GRB14: variants seen among roughly 807,000 people sequenced by gnomAD.
The protein encoded by GRB14 is growth factor receptor bound protein 14.
In GRB14, 38 loss-of-function variants were observed where a neutral mutation model predicts 69.1. The observed-to-expected ratio is 0.55, with a 90% CI of 0.42 to 0.72. The LOEUF (loss-of-function observed/expected upper bound fraction) is 0.72. Among genes scored for constraint, GRB14 ranks in the 30% least tolerant of loss-of-function variants. GRB14 has a pLI of 0.00. For synonymous variants in GRB14, 247 were observed against 241.3 expected, an observed-to-expected ratio of 1.02 and a Z score of -0.22; for missense variants, 666 against 666.1, an observed-to-expected ratio of 1.00 and a Z score of 0.00.
chr2:164,499,484 T>C (rs572008772), intron 9 of GRB14, among the ~76,000 whole-genome samples: 9 of 152,248 alleles, frequency 5.9e-5, no homozygotes, highest in African/African-American at 2.2e-4. Context: ...ACTCAAAAGG[T>C]CATTTTCAGA....
intron 8 of GRB14, among the ~76,000 whole-genome samples, chr2:164,503,565 A>G (rs988605250): frequency 6.6e-6 from 1 of 151,046 alleles, no homozygotes; most frequent in Non-Finnish European, 1.5e-5. Context: ...CTCTGTGTTG[A>G]CTTCTTATCC....
chr2:164,590,021 T>C (rs959866422), intron 2 of GRB14, among the ~76,000 whole-genome samples: 1 of 152,096 alleles, frequency 6.6e-6, no homozygotes, highest in Non-Finnish European at 1.5e-5. Context: ...AGCCTGTTCA[T>C]GAGGGCTCCA....
rs115340889 is a variant in GRB14 at position 164,591,493 on chromosome 2, A to G, written c.324+28194T>C. On this transcript the variant is annotated intron_variant, in intron 2 of 13. Coordinates refer to ENST00000263915, the MANE Select transcript of GRB14 (RefSeq NM_004490.3). ...CTGTGTTCTTCAATAAATGAGGTCAAGGGAAAAGGCTATTCTGTTCAGGTC... is the reference window on the plus strand; with the variant it reads ...CTGTGTTCTTCAATAAATGAGGTCAGGGGAAAAGGCTATTCTGTTCAGGTC... Among the ~76,000 whole-genome samples the G allele has an allele frequency of 8.1e-3, 1,227 of 152,282 alleles. 4 individuals are homozygous for G. Among genetic ancestry groups the G allele is most frequent in the Non-Finnish European group, 0.012 (845 of 68,014 alleles).
chr2:164,580,399 T>C (rs886211084), intron 2 of GRB14, among the ~76,000 whole-genome samples: 16 of 149,966 alleles, frequency 1.1e-4, no homozygotes, highest in Middle Eastern at 3.4e-3. Flanking sequence ...AGCCTTATGA[T>C]ACATTTCTTT....
chr2:164,619,348 C>G (rs1457055798), intron 2 of GRB14, among the ~76,000 whole-genome samples: 3 of 152,174 alleles, frequency 2.0e-5, no homozygotes, highest in East Asian at 3.9e-4. Flanking sequence ...CTACTGCCCA[C>G]CCCGTCCCAG....
intron 6 of GRB14, among the ~76,000 whole-genome samples, chr2:164,511,288 G>A (rs2105269954): frequency 6.6e-6 from 1 of 152,262 alleles, no homozygotes; most frequent in South Asian, 2.1e-4. Flanking sequence ...GTGGCTACGG[G>A]AGTCCTTGCA....
intron 6 of GRB14, among the ~76,000 whole-genome samples, chr2:164,514,776 C>T (rs562117417): frequency 3.9e-5 from 6 of 152,074 alleles, no homozygotes; most frequent in Non-Finnish European, 8.8e-5. Context: ...ACCTGAAATC[C>T]CTGCTTGCCT....
At chr2:164,549,863 AAAAATAAAAT>A (rs10557491) in intron 2 of GRB14, among the ~76,000 whole-genome samples, 23,645 of 109,768 alleles carry the variant, frequency 0.22, 2,856 homozygotes, top group South Asian at 0.26. Context: ...GACTCCATCT[AAAAATAAAAT>A]AAAATAAAAT....
At chr2:164,529,758 G>A (rs1330698027) in intron 3 of GRB14, among the ~76,000 whole-genome samples, 1 of 152,198 alleles carries the variant, frequency 6.6e-6, no homozygotes, top group Non-Finnish European at 1.5e-5. Context: ...CTAATCCAAC[G>A]TGGACACCGA....
chr2:164,617,411 C>T (rs915700629), intron 2 of GRB14, among the ~76,000 whole-genome samples: 2 of 151,936 alleles, frequency 1.3e-5, no homozygotes, highest in African/African-American at 4.8e-5. Flanking sequence ...TTCCCCATTT[C>T]CAGTTTGCTA....
At chr2:164,619,936 TTATATAAAGTA>T (rs1690406947) in intron 1 of GRB14, 117 bp from the exon 2 acceptor site, 2 of 780,734 alleles carry the variant, frequency 2.6e-6, no homozygotes, top group Non-Finnish European at 4.3e-6. Context: ...AAGGCTCATA[TTATATAAAGTA>T]TATAGAAAAG....
At chr2:164,564,748 G>A (rs894294571) in intron 2 of GRB14, among the ~76,000 whole-genome samples, 1 of 152,186 alleles carries the variant, frequency 6.6e-6, no homozygotes. Context: ...GGGCACGGTG[G>A]CTCATGTCTG....
chr2:164,614,314 T>G (rs2105362013), intron 2 of GRB14, among the ~76,000 whole-genome samples: 1 of 152,316 alleles, frequency 6.6e-6, no homozygotes, highest in South Asian at 2.1e-4. Flanking sequence ...TTTTGTAAAA[T>G]AGCTCAGAGG....
intron 2 of GRB14, among the ~76,000 whole-genome samples, chr2:164,594,962 T>C (rs75423766): frequency 0.031 from 4,752 of 152,282 alleles, 250 homozygotes; most frequent in African/African-American, 0.11. Context: ...GGTTTTGCCC[T>C]TTAACAGACA....
chr2:164,534,331 T>C (rs1225479484), intron 3 of GRB14, among the ~76,000 whole-genome samples: 1 of 152,164 alleles, frequency 6.6e-6, no homozygotes, highest in Non-Finnish European at 1.5e-5. Flanking sequence ...TCTCATTATG[T>C]TAAAGGATTA....
At chr2:164,568,133 T>C (rs991851406) in intron 2 of GRB14, among the ~76,000 whole-genome samples, 2 of 152,194 alleles carry the variant, frequency 1.3e-5, no homozygotes, top group South Asian at 2.1e-4. Context: ...CCTAGCGCAG[T>C]ATTATTTTTC....
chr2:164,517,049 A>G (rs2105277159), intron 6 of GRB14, among the ~76,000 whole-genome samples: 1 of 152,184 alleles, frequency 6.6e-6, no homozygotes, highest in South Asian at 2.1e-4. Flanking sequence ...TGCTGCTGAT[A>G]AAGATATACT....
chr2:164,599,061 G>A (rs886218469), intron 2 of GRB14, among the ~76,000 whole-genome samples: 2 of 152,216 alleles, frequency 1.3e-5, no homozygotes, highest in Admixed American at 6.5e-5. Context: ...AGCTGGTGTA[G>A]GAGCTAGTCT....
chr2:164,520,804 A>T (rs1431525714), intron 6 of GRB14, among the ~76,000 whole-genome samples: 1 of 152,194 alleles, frequency 6.6e-6, no homozygotes, highest in East Asian at 1.9e-4. Flanking sequence ...CAAAATCACA[A>T]TGTGATGCCA....
Sources: allele counts gnomAD v4.1 joint callset (sites outside exome capture counted in the v4.1 genomes callset), GRCh38; gene constraint gnomAD v4.1.1; transcripts MANE v1.5; gene names NCBI Gene and HGNC (gene_info 2026-07-23, HGNC 2026-07-21).